Variants in ZNF532 observed in about 807,000 individuals in gnomAD.
ZNF532 encodes zinc finger protein 532.
In ZNF532, 22 loss-of-function variants were observed where a neutral mutation model predicts 89.3. That is an observed-to-expected ratio of 0.25 (90% CI 0.18 to 0.35). The LOEUF (loss-of-function observed/expected upper bound fraction) is 0.35. Ranked by LOEUF, ZNF532 falls within the 10% of genes least tolerant of loss-of-function variation. The pLI is 1.00. For missense variants in ZNF532, 1,132 were observed against 1,643.4 expected, an observed-to-expected ratio of 0.69 and a Z score of 5.38; for synonymous variants, 606 against 649.6, an observed-to-expected ratio of 0.93 and a Z score of 1.02.
Position 58,919,713 on chromosome 18 carries a change from G to T in ZNF532, c.1426G>T (p.Val476Leu), listed in dbSNP as rs1242146654. ...TTTGAAGCTCGCTAACAACACCACG[G>T]TGAAAGCCACGGTCATATCTGCTGC... is the stretch of plus-strand genomic sequence containing the variant. The part of the protein sequence containing the change: ...INLKLANNTT[V>L]KATVISAASV... The change falls in exon 3 of 10, where the codon GTG becomes TTG. Residue 476 changes from valine to leucine, a missense_variant. Around this residue, in one of 9 missense-constraint regions of ZNF532, gnomAD observed 97 missense variants for 143.7 expected, o/e 0.68. Coordinates refer to ENST00000591808, the MANE Select transcript of ZNF532 (RefSeq NM_001375912.1). This position sits in a 1 kb window ranked among gnomAD's most constrained non-coding sequence, Gnocchi z 6.1. 18 of 1,613,978 alleles carry T rather than the reference G, an allele frequency of 1.1e-5. No homozygotes were observed. Among genetic ancestry groups the T allele is most frequent in the Non-Finnish European group, 1.4e-5 (16 of 1,179,972 alleles).
Position 58,920,407 on chromosome 18 carries a change from G to A in ZNF532, c.2120G>A (p.Ser707Asn). The A allele has an allele frequency of 2.5e-6, 4 of 1,613,966 alleles. No individual in the cohort carries two copies. The highest frequency in any genetic ancestry group is 3.4e-6 in the Non-Finnish European group (4 of 1,179,872). ...NTSTSTSTLQ[S>N]PVGAGTHTVT... ...TCCACTTCAACTTCCACTCTTCAGAGCCCTGTGGGAGCTGGCACACACACT... is the reference window on the plus strand; with the variant it reads ...TCCACTTCAACTTCCACTCTTCAGAACCCTGTGGGAGCTGGCACACACACT... Residue 707 changes from serine (S) to asparagine (N), a missense_variant, in exon 3 of 10, where the codon AGC (serine) becomes AAC (asparagine). Ser to Asn is a conservative substitution (Grantham distance 46, BLOSUM62 1). Transcript: ENST00000591808.
chr18:58,876,351 C>T (rs528197366), intron 2 of ZNF532, among the ~76,000 whole-genome samples: 10 of 152,302 alleles, frequency 6.6e-5, no homozygotes, highest in African/African-American at 2.2e-4. Flanking sequence ...TGGCCTGTCA[C>T]GCTCTGAGTA....
At chr18:58,934,206 T>C (rs1177778399) in intron 3 of ZNF532, 1 of 432,650 alleles carries the variant, frequency 2.3e-6, no homozygotes, top group Non-Finnish European at 4.1e-6. Flanking sequence ...TTTTAGCTCA[T>C]ACTTTGAGAC....
chr18:58,934,721 C>T (rs1193568116), intron 4 of ZNF532, 107 bp downstream of exon 4: 8 of 1,074,584 alleles, frequency 7.4e-6, no homozygotes, highest in Non-Finnish European at 9.4e-6. Flanking sequence ...GGTGATACCT[C>T]GATTAACAGA....
chr18:58,928,864 A>T (rs979123605), intron 3 of ZNF532, among the ~76,000 whole-genome samples: 7 of 152,188 alleles, frequency 4.6e-5, no homozygotes, highest in African/African-American at 1.7e-4. Flanking sequence ...AGTATTTAAG[A>T]GCTGAGGACT....
chr18:58,899,017 A>T (rs1475744391), intron 2 of ZNF532, among the ~76,000 whole-genome samples: 1 of 152,282 alleles, frequency 6.6e-6, no homozygotes, highest in Non-Finnish European at 1.5e-5. Flanking sequence ...AGGCCGGGGC[A>T]GAGCCCCCTT....
intron 2 of ZNF532, among the ~76,000 whole-genome samples, chr18:58,906,175 T>G (rs936529698): frequency 6.6e-6 from 1 of 152,178 alleles, no homozygotes; most frequent in African/African-American, 2.4e-5. Context: ...CGGAAGAAAG[T>G]CATTGAAGGG....
chr18:58,920,734 ACGTGTGTGTGTG>A, intron 3 of ZNF532, 101 bp downstream of exon 3: 1 of 487,018 alleles, frequency 2.1e-6, no homozygotes, highest in Non-Finnish European at 3.3e-6. Context: ...AGTGAAATGG[ACGTGTGTGTGTG>A]TGTGTGTGTG....
chr18:58,981,487 G>A lies in ZNF532; in HGVS notation c.3281G>A (p.Arg1094Lys). ...CCCCACAGGCACTGCCCAGACTCCA[G>A]ACGTACCTTTACCAAACGTTTGATG... ...VYACSHCPDS[R>K]RTFTKRLMLE... Residue 1094 changes from arginine (R) to lysine (K), a missense_variant, in exon 9 of 10, where the codon AGA becomes AAA. Physicochemically the swap from Arg to Lys is conservative, Grantham distance 26 (BLOSUM62 2). Coordinates refer to ENST00000591808, the MANE Select transcript of ZNF532 (RefSeq NM_001375912.1). 1 of 1,613,032 alleles carries A rather than the reference G, an allele frequency of 6.2e-7. No homozygotes were observed. The highest frequency in any genetic ancestry group is 8.5e-7 in the Non-Finnish European group (1 of 1,179,940).
In ZNF532 at chr18:58,888,784, T is replaced by A. The variant is rs529551153; in HGVS notation, c.-18+23205T>A. On this transcript the variant is annotated intron_variant, in intron 2 of 9. Transcript: ENST00000591808. ...TTAATATATATAATTTATATATATA[T>A]AAAATATATATAATTTATATATATA... is the stretch of plus-strand genomic sequence containing the variant. 4.2e-4 allele frequency among the ~76,000 whole-genome samples: 17 copies of A among 40,552 alleles called. No individual in the cohort carries two copies. In the South Asian group the frequency reaches 5.0e-3, roughly 12 times the overall value. The allele number at this position is 40,552 out of a possible 152,430, so 26.6% of individuals were successfully genotyped here.
intron 3 of ZNF532, among the ~76,000 whole-genome samples, chr18:58,924,056 C>T (rs1385020859): frequency 6.6e-6 from 1 of 152,192 alleles, no homozygotes; most frequent in African/African-American, 2.4e-5. Context: ...GGGGTTTCAC[C>T]ATGTTGGCCG....
intron 7 of ZNF532, among the ~76,000 whole-genome samples, chr18:58,972,320 A>G (rs1001732782): frequency 1.3e-5 from 2 of 152,226 alleles, no homozygotes; most frequent in African/African-American, 4.8e-5. Flanking sequence ...ATAAATACAC[A>G]TCAGTGTGTA....
intron 2 of ZNF532, among the ~76,000 whole-genome samples, chr18:58,885,297 TTTTG>T (rs1382228199): frequency 6.6e-6 from 1 of 152,162 alleles, no homozygotes; most frequent in Non-Finnish European, 1.5e-5. Context: ...CTGGGTGTTT[TTTTG>T]TTTTTGTTTT....
intron 2 of ZNF532, among the ~76,000 whole-genome samples, chr18:58,905,342 C>T (rs369272969): frequency 2.0e-5 from 3 of 151,680 alleles, no homozygotes; most frequent in Non-Finnish European, 4.4e-5. Context: ...TAGTATACAA[C>T]GTCTCATCCC....
chr18:58,885,613 G>T (rs965307710), intron 2 of ZNF532, among the ~76,000 whole-genome samples: 1 of 152,064 alleles, frequency 6.6e-6, no homozygotes, highest in South Asian at 2.1e-4. Context: ...CCAGCATTTT[G>T]GGAGGCCGAG....
At position 58,986,186 on chromosome 18, in the gene ZNF532, T is replaced by TTTTG. The variant is rs1340776320; in HGVS notation, c.*1726_*1729dup. 6.6e-6 allele frequency: 1 copy of TTTTG among 152,644 alleles called. No individual in the cohort carries two copies. The highest frequency in any genetic ancestry group is 2.4e-5 in the African/African-American group (1 of 41,458). The allele number at this position is 152,644 out of a possible 1,614,324, so 9.5% of individuals were successfully genotyped here. A position where few individuals can be genotyped will look rare whatever the true frequency, so the allele number is the denominator to read the frequency against. The stretch of plus-strand genomic sequence containing the variant: ...CTTGAAATTCCATTGCTGTTCCTTG[T>TTTTG]TTTGTTTGTATTGCTCTAAGTTGTA... On this transcript the variant is annotated 3_prime_UTR_variant, in exon 10 of 10. Transcript: ENST00000591808.
At chr18:58,948,427 G>T (rs1424319339) in intron 6 of ZNF532, among the ~76,000 whole-genome samples, 198 bp downstream of exon 6, 1 of 152,106 alleles carries the variant, frequency 6.6e-6, no homozygotes, top group Non-Finnish European at 1.5e-5. Flanking sequence ...CAGGAGTCCT[G>T]ATCTGCCTAC....
intron 2 of ZNF532, among the ~76,000 whole-genome samples, chr18:58,867,914 C>G (rs1329356783): frequency 6.6e-6 from 1 of 152,232 alleles, no homozygotes; most frequent in African/African-American, 2.4e-5. Context: ...CCTGCCCCCA[C>G]CCACCTTGAC....
At chr18:58,976,547 A>ATTT (rs5825310) in intron 7 of ZNF532, among the ~76,000 whole-genome samples, 135 of 150,582 alleles carry the variant, frequency 9.0e-4, no homozygotes, top group Middle Eastern at 3.4e-3. Context: ...CTTTCAGTTG[A>ATTT]TTTTTTTTTT....
Sources: allele counts gnomAD v4.1 joint callset (sites outside exome capture counted in the v4.1 genomes callset), GRCh38; gene constraint gnomAD v4.1.1; regional missense constraint gnomAD v4.1.1; non-coding constraint Gnocchi (gnomAD v3.1); transcripts MANE v1.5; gene names NCBI Gene and HGNC (gene_info 2026-07-23, HGNC 2026-07-21).